DNAH11: variants seen among roughly 807,000 people sequenced by gnomAD.
DNAH11 encodes the protein dynein axonemal heavy chain 11.
Under a neutral mutation model 526.0 loss-of-function variants are expected in DNAH11, and 442 were observed. That is an observed-to-expected ratio of 0.84 (90% CI 0.78 to 0.91). The LOEUF is 0.91. Among genes scored for constraint, DNAH11 ranks in the 40% least tolerant of loss-of-function variants. The pLI is 0.00. For missense variants in DNAH11, 6,989 were observed against 5,448.7 expected (o/e 1.28, Z -8.90); for synonymous variants, 2,461 against 1,935.9 (o/e 1.27, Z -7.12).
chr7:21,572,952 T>A (rs1345930867), intron 8 of DNAH11, among the ~76,000 whole-genome samples: 2 of 152,136 alleles, frequency 1.3e-5, no homozygotes, highest in African/African-American at 4.8e-5. Context: ...ATTCAATAAA[T>A]ACGTACAGAA....
At chr7:21,685,057 A>G (rs540230810) in intron 32 of DNAH11, among the ~76,000 whole-genome samples, 4 of 152,358 alleles carry the variant, frequency 2.6e-5, no homozygotes, top group Admixed American at 1.3e-4. Context: ...GTTCTTGCAC[A>G]TAGTAACCTG....
intron 61 of DNAH11, among the ~76,000 whole-genome samples, chr7:21,789,808 T>TCTTTCTTTCTTTTTTC: frequency 4.5e-3 from 155 of 34,106 alleles, no homozygotes; most frequent in South Asian, 6.7e-3. Flanking sequence ...TTTCTTTCTT[T>TCTTTCTTTCTTTTTTC]TTTCTTTCTT....
chr7:21,781,050 T>A (rs1787921995), intron 57 of DNAH11, among the ~76,000 whole-genome samples: 1 of 152,176 alleles, frequency 6.6e-6, no homozygotes, highest in Non-Finnish European at 1.5e-5. Context: ...CTAGAAAGCA[T>A]CTAGAAATTC....
At chr7:21,761,434 G>T (rs919867159) in intron 54 of DNAH11, among the ~76,000 whole-genome samples, 5 of 152,176 alleles carry the variant, frequency 3.3e-5, no homozygotes, top group African/African-American at 1.2e-4. Flanking sequence ...TACTCTGTGT[G>T]TAGAGACCTA....
At chr7:21,711,935 A>G (rs2128481289) in intron 42 of DNAH11, 75 bp downstream of exon 42, 1 of 1,518,332 alleles carries the variant, frequency 6.6e-7, no homozygotes, top group African/African-American at 1.4e-5. Context: ...ATTTTTGCTT[A>G]AGCACATTCA....
At chr7:21,726,752 T>A (rs1785124826) in intron 45 of DNAH11, among the ~76,000 whole-genome samples, 1 of 143,874 alleles carries the variant, frequency 7.0e-6, no homozygotes, top group African/African-American at 2.6e-5. Context: ...TCCCAGCTAC[T>A]CGGGAGTCTG....
chr7:21,650,541 G>T (rs1787580853), intron 28 of DNAH11, among the ~76,000 whole-genome samples: 1 of 136,732 alleles, frequency 7.3e-6, no homozygotes. Flanking sequence ...CTTCTAGAAG[G>T]CCTTTTTTTT....
rs1787261340 is a variant in DNAH11, at chr7:21,768,162, A to G, written c.9102+2573A>G. Among the ~76,000 whole-genome samples the G allele has an allele frequency of 2.6e-5, 4 of 152,120 alleles. No homozygotes were observed. In the South Asian group the frequency reaches 6.2e-4, roughly 24 times the overall value. ...TGAAGACTTTGTGTCAACGCACACT[A>G]CCTCTCCAAGGAGATTTTGAAATGG... On this transcript the variant is annotated intron_variant, in intron 55 of 81. Coordinates refer to ENST00000409508, the MANE Select transcript of DNAH11 (RefSeq NM_001277115.2).
intron 65 of DNAH11, among the ~76,000 whole-genome samples, chr7:21,821,452 C>G (rs1424256889): frequency 6.6e-6 from 1 of 152,140 alleles, no homozygotes; most frequent in Admixed American, 6.5e-5. Context: ...TGCCTCTGCT[C>G]TTTTCCCATG....
At chr7:21,749,501 T>C (rs1786307485) in intron 52 of DNAH11, among the ~76,000 whole-genome samples, 177 bp from the exon 53 acceptor site, 1 of 152,114 alleles carries the variant, frequency 6.6e-6, no homozygotes, top group South Asian at 2.1e-4. Context: ...ATGGAGGTGG[T>C]GTCACAGTGC....
At chr7:21,735,403 T>C (rs1011640051) in intron 45 of DNAH11, among the ~76,000 whole-genome samples, 21 of 152,210 alleles carry the variant, frequency 1.4e-4, no homozygotes, top group African/African-American at 5.1e-4. Context: ...TACTTTATGG[T>C]ACTTTGATGG....
rs574747113 is a variant in DNAH11 at position 21,673,530 on chromosome 7, G to A, written c.5329-8016G>A. On this transcript the variant is annotated intron_variant, in intron 30 of 81. Transcript: ENST00000409508. ...CATCCTCCAGCTAGGAGGGAAGGGT[G>A]ATCTCCACTGCCCAGAGCATTTCTC... Among the ~76,000 whole-genome samples the A allele has an allele frequency of 5.9e-5, 9 of 152,250 alleles. No individual in the cohort carries two copies. In the South Asian group the frequency reaches 1.9e-3, roughly 32 times the overall value.
intron 61 of DNAH11, 69 bp from the exon 62 acceptor site, chr7:21,801,068 T>C (rs1173758337): frequency 1.3e-6 from 2 of 1,508,600 alleles, no homozygotes; most frequent in African/African-American, 2.8e-5. Flanking sequence ...GTAACAGATG[T>C]TTTAAGATGA....
At chr7:21,829,427 C>G (rs1790451967) in intron 65 of DNAH11, among the ~76,000 whole-genome samples, 1 of 152,174 alleles carries the variant, frequency 6.6e-6, no homozygotes, top group African/African-American at 2.4e-5. Flanking sequence ...TAGGAAATCT[C>G]TCTCCAAACA....
chr7:21,853,286 T>C (rs980398189), intron 67 of DNAH11, among the ~76,000 whole-genome samples: 8 of 152,214 alleles, frequency 5.3e-5, no homozygotes, highest in Non-Finnish European at 8.8e-5. Context: ...CTTATTTGCT[T>C]TCTGGAATAT....
chr7:21,776,915 G>C (rs1787693393), intron 56 of DNAH11, among the ~76,000 whole-genome samples: 1 of 148,908 alleles, frequency 6.7e-6, no homozygotes, highest in Non-Finnish European at 1.5e-5. Flanking sequence ...ACCTTATTCA[G>C]ATTTCCAGTT....
At chr7:21,690,427 G>A (rs920757770) in intron 34 of DNAH11, among the ~76,000 whole-genome samples, 8 of 152,136 alleles carry the variant, frequency 5.3e-5, no homozygotes, top group African/African-American at 9.7e-5. Flanking sequence ...CCCATTCAAG[G>A]AATTGCAGCC....
rs191129859 is a variant in DNAH11 at position 21,626,827 on chromosome 7, T to C, written c.4500+6749T>C. On this transcript the variant is annotated intron_variant, in intron 25 of 81. Transcript: ENST00000409508. ...GTACAGTGGCGTGATCTCGGCTCACTGCAAGCTCTGCCTTCCAGGTTCATG... is the reference window on the plus strand; with the variant it reads ...GTACAGTGGCGTGATCTCGGCTCACCGCAAGCTCTGCCTTCCAGGTTCATG... Among the ~76,000 whole-genome samples the C allele has an allele frequency of 9.3e-4, 132 of 141,926 alleles. 2 individuals carry two copies. In the East Asian group the frequency reaches 0.028, roughly 31 times the overall value. 93.1% of individuals were successfully genotyped at this position (141,926 alleles called of 152,430 possible). A position where few individuals can be genotyped will look rare whatever the true frequency, so the allele number is the denominator to read the frequency against.
intron 30 of DNAH11, among the ~76,000 whole-genome samples, chr7:21,668,378 T>C (rs1467678902): frequency 6.6e-6 from 1 of 152,174 alleles, no homozygotes; most frequent in Non-Finnish European, 1.5e-5. Context: ...CATGCTGTCT[T>C]ATAAAAGATT....
Sources: gnomAD v4.1 joint callset for allele counts (sites outside exome capture counted in the v4.1 genomes callset) on GRCh38, gnomAD v4.1.1 for gene constraint, MANE v1.5 for transcripts, NCBI Gene and HGNC (gene_info 2026-07-23, HGNC 2026-07-21) for gene names.